Variants in VWC2L observed in about 807,000 individuals in gnomAD.
The protein encoded by VWC2L is von Willebrand factor C domain containing 2 like, also known as von Willebrand factor C domain-containing protein 2-like.
A neutral mutation model predicts 21.6 loss-of-function variants in VWC2L; 10 were observed. The observed-to-expected ratio is 0.46, with a 90% CI of 0.29 to 0.78. The LOEUF (loss-of-function observed/expected upper bound fraction) is 0.78. VWC2L is among the 30% of genes least tolerant of loss of function. The pLI is 0.10. For synonymous variants in VWC2L, 96 were observed against 94.3 expected (o/e 1.02, Z -0.10); for missense variants, 209 against 277.1 (o/e 0.75, Z 1.74).
chr2:214,439,145 A>G (rs1318131533), intron 3 of VWC2L, among the ~76,000 whole-genome samples: 2 of 152,082 alleles, frequency 1.3e-5, no homozygotes, highest in African/African-American at 4.8e-5. Context: ...GAAGACACGT[A>G]TGACCACCAG....
chr2:214,546,247 G>A (rs537909212), intron 3 of VWC2L, among the ~76,000 whole-genome samples: 1 of 152,244 alleles, frequency 6.6e-6, no homozygotes, highest in South Asian at 2.1e-4. Flanking sequence ...CAGTGTGAAG[G>A]AATTGCTGCA....
intron 2 of VWC2L, among the ~76,000 whole-genome samples, chr2:214,429,688 A>G (rs1469930393): frequency 6.6e-6 from 1 of 152,090 alleles, no homozygotes; most frequent in Non-Finnish European, 1.5e-5. Flanking sequence ...GACTCCTTGA[A>G]AATGTTGAGG....
chr2:214,531,103 A>C (rs1482808991), intron 3 of VWC2L, among the ~76,000 whole-genome samples: 1 of 152,116 alleles, frequency 6.6e-6, no homozygotes, highest in Non-Finnish European at 1.5e-5. Flanking sequence ...TTGCCTGTAG[A>C]CTCAATAAGG....
At chr2:214,523,353 G>C (rs1385215815) in intron 3 of VWC2L, among the ~76,000 whole-genome samples, 2 of 152,172 alleles carry the variant, frequency 1.3e-5, no homozygotes, top group African/African-American at 4.8e-5. Flanking sequence ...TCTATGAGAT[G>C]CCCAACTCAT....
chr2:214,569,278 C>T (rs1690113612), intron 3 of VWC2L, among the ~76,000 whole-genome samples: 1 of 152,050 alleles, frequency 6.6e-6, no homozygotes. Flanking sequence ...AATCATATAG[C>T]AACCATGGTG....
chr2:214,543,943 G>A (rs551354487), intron 3 of VWC2L, among the ~76,000 whole-genome samples: 179 of 152,302 alleles, frequency 1.2e-3, no homozygotes, highest in Non-Finnish European at 1.8e-3. Context: ...TGTCTATGAA[G>A]ATCAGAAGGA....
intron 3 of VWC2L, among the ~76,000 whole-genome samples, chr2:214,567,595 C>CAGAGAGAG (rs10528003): frequency 5.9e-5 from 8 of 135,396 alleles, no homozygotes; most frequent in East Asian, 2.1e-4. Context: ...CACACACACA[C>CAGAGAGAG]AGAGAGAGAG....
intron 3 of VWC2L, among the ~76,000 whole-genome samples, chr2:214,534,544 C>T (rs574617475): frequency 1.3e-5 from 2 of 152,196 alleles, no homozygotes; most frequent in African/African-American, 4.8e-5. Context: ...TGCTGCATGA[C>T]TCTGGGAGCA....
chr2:214,497,035 G>A lies in VWC2L; in HGVS notation c.520+60277G>A, dbSNP rs62199326. On this transcript the variant is annotated intron_variant, in intron 3 of 3. Coordinates refer to ENST00000312504, the MANE Select transcript of VWC2L (RefSeq NM_001080500.4). ...AAAAGAAAGGATGTTCTGTTCCATC[G>A]TTAAGGTGAGATGCAGATTTCCAAT... Among the ~76,000 whole-genome samples, 294 of 152,268 alleles carry A rather than the reference G, an allele frequency of 1.9e-3. 1 individual carries two copies. The highest frequency in any genetic ancestry group is 3.7e-3 in the Non-Finnish European group (255 of 68,020).
At chr2:214,485,293 C>T (rs1403702842) in intron 3 of VWC2L, among the ~76,000 whole-genome samples, 1 of 151,780 alleles carries the variant, frequency 6.6e-6, no homozygotes, top group Non-Finnish European at 1.5e-5. Flanking sequence ...GGTGACAGAG[C>T]AAGACTCTGT....
At chr2:214,473,504 T>C (rs1249638129) in intron 3 of VWC2L, among the ~76,000 whole-genome samples, 1 of 152,160 alleles carries the variant, frequency 6.6e-6, no homozygotes, top group Non-Finnish European at 1.5e-5. Context: ...TCATCAAGCC[T>C]AAGTGAGAAA....
chr2:214,538,947 G>T (rs1049633046), intron 3 of VWC2L, among the ~76,000 whole-genome samples: 1 of 151,934 alleles, frequency 6.6e-6, no homozygotes, highest in Non-Finnish European at 1.5e-5. Flanking sequence ...CCTCTATTGG[G>T]GAAAAACCCT....
At chr2:214,486,537 C>G (rs1047696197) in intron 3 of VWC2L, among the ~76,000 whole-genome samples, 1 of 152,160 alleles carries the variant, frequency 6.6e-6, no homozygotes, top group Non-Finnish European at 1.5e-5. Flanking sequence ...CTGGTAATTA[C>G]ATATCTCTGC....
chr2:214,537,530 G>C (rs1036021203), intron 3 of VWC2L, among the ~76,000 whole-genome samples: 4 of 152,032 alleles, frequency 2.6e-5, no homozygotes, highest in African/African-American at 9.7e-5. Context: ...GGATGAGAGA[G>C]AGTGGAATGG....
At chr2:214,509,899 A>C (rs1468207995) in intron 3 of VWC2L, among the ~76,000 whole-genome samples, 1 of 152,232 alleles carries the variant, frequency 6.6e-6, no homozygotes, top group Non-Finnish European at 1.5e-5. Flanking sequence ...CTTTTGAAGG[A>C]AACAAACAAG....
chr2:214,464,115 C>G (rs199933830), intron 3 of VWC2L, among the ~76,000 whole-genome samples: 1 of 152,052 alleles, frequency 6.6e-6, no homozygotes, highest in South Asian at 2.1e-4. Context: ...TCTGTCTGAA[C>G]GGTCACATAT....
At chr2:214,534,586 C>T (rs1461918824) in intron 3 of VWC2L, among the ~76,000 whole-genome samples, 2 of 151,982 alleles carry the variant, frequency 1.3e-5, no homozygotes, top group Non-Finnish European at 2.9e-5. Flanking sequence ...AACTGTGCCC[C>T]CTGGAGTTGT....
At chr2:214,431,412 C>A (rs1469562461) in intron 2 of VWC2L, among the ~76,000 whole-genome samples, 1 of 152,036 alleles carries the variant, frequency 6.6e-6, no homozygotes, top group Non-Finnish European at 1.5e-5. Flanking sequence ...CAAAGATTTT[C>A]TTTGATCATT....
At chr2:214,480,228 T>C (rs1688583670) in intron 3 of VWC2L, among the ~76,000 whole-genome samples, 1 of 152,190 alleles carries the variant, frequency 6.6e-6, no homozygotes. Flanking sequence ...TTTTAAAAAA[T>C]TCTTACTAAT....
Sources: gnomAD v4.1 joint callset for allele counts (sites outside exome capture counted in the v4.1 genomes callset) on GRCh38, gnomAD v4.1.1 for gene constraint, MANE v1.5 for transcripts, NCBI Gene and HGNC (gene_info 2026-07-23, HGNC 2026-07-21) for gene names.